COL14A1: variants seen among roughly 807,000 people sequenced by gnomAD.
COL14A1 encodes collagen alpha-1(XIV) chain.
In COL14A1, 136 loss-of-function variants were observed where a neutral mutation model predicts 230.3. The observed-to-expected ratio is 0.59, with a 90% CI of 0.51 to 0.68. COL14A1 has a LOEUF of 0.68. Among genes scored for constraint, COL14A1 ranks in the 30% least tolerant of loss-of-function variants. COL14A1 has a pLI of 0.00. For missense variants in COL14A1, 1,976 were observed against 2,215.8 expected, an observed-to-expected ratio of 0.89 and a Z score of 2.17; for synonymous variants, 792 against 784.1, an observed-to-expected ratio of 1.01 and a Z score of -0.17.
At position 120,138,758 on chromosome 8, in the gene COL14A1, A is replaced by G. The variant is rs955575005; in HGVS notation, c.-37-9048A>G. Among the ~76,000 whole-genome samples, 32 of 152,212 alleles carry G rather than the reference A, an allele frequency of 2.1e-4. 1 individual carries two copies. The highest frequency in any genetic ancestry group is 6.5e-5 in the Admixed American group (1 of 15,280). ...TGAGGAGGGTAGTATTTCAATAGTG[A>G]GAAGAAATGAGGAGGAATATTTTCA... On this transcript the variant is annotated intron_variant, in intron 1 of 47. Transcript: ENST00000297848.
chr8:120,167,286 T>C (rs1225337097), intron 4 of COL14A1, among the ~76,000 whole-genome samples: 3 of 152,150 alleles, frequency 2.0e-5, no homozygotes, highest in Admixed American at 1.3e-4. Context: ...GCAAGGGTGG[T>C]TCAGAGGAAA....
chr8:120,316,825 T>C (rs1300716908), intron 40 of COL14A1, among the ~76,000 whole-genome samples: 1 of 152,014 alleles, frequency 6.6e-6, no homozygotes, highest in Admixed American at 6.6e-5. Flanking sequence ...AGGTGGAGCA[T>C]TTCCAATATT....
In COL14A1 at chr8:120,317,898, G is replaced by A. The variant is rs77866121; in HGVS notation, c.4659+1901G>A. Among the ~76,000 whole-genome samples, 392 of 152,216 alleles carry A rather than the reference G, an allele frequency of 2.6e-3. 1 individual carries two copies. The highest frequency in any genetic ancestry group is 8.8e-3 in the African/African-American group (366 of 41,532). On this transcript the variant is annotated intron_variant, in intron 40 of 47. Coordinates refer to ENST00000297848, the MANE Select transcript of COL14A1 (RefSeq NM_021110.4). The stretch of plus-strand genomic sequence containing the variant: ...TTCCAATCTGGAAGTCAAACTTTTA[G>A]AGTATGTCTGATTCTTAATTTGAAA...
At chr8:120,197,754 C>CA in intron 6 of COL14A1, 57 bp from the exon 7 acceptor site, 1 of 1,561,518 alleles carries the variant, frequency 6.4e-7, no homozygotes. Flanking sequence ...TTGAGTAGCC[C>CA]ACTAGATTTT....
chr8:120,250,629 C>A lies in COL14A1; in HGVS notation c.2615C>A (p.Thr872Lys), dbSNP rs759730860. 6.2e-7 allele frequency: 1 copy of A among 1,614,186 alleles called. No homozygotes were observed. Among genetic ancestry groups the A allele is most frequent in the East Asian group, 2.2e-5 (1 of 44,886 alleles). Residue 872 changes from threonine to lysine, a missense_variant, in exon 22 of 48, where the codon ACA (threonine) becomes AAA (lysine). Coordinates refer to ENST00000297848, the MANE Select transcript of COL14A1 (RefSeq NM_021110.4). ...CTTTCTTCTTTAGTTCCTGGTCCAA[C>A]ACTGGAAACGTTTGTGGGAGCTGAC... ...VYKPVSVPGPTLETFVGADIN... is the reference protein window; with the variant it reads ...VYKPVSVPGPKLETFVGADIN...
At position 120,240,975 on chromosome 8, in the gene COL14A1, A is replaced by G. The variant is rs191132862; in HGVS notation, c.2350-2904A>G. Among the ~76,000 whole-genome samples the G allele has an allele frequency of 3.7e-3, 567 of 152,260 alleles. 4 individuals are homozygous for G. The highest frequency in any genetic ancestry group is 0.013 in the African/African-American group (528 of 41,552). ...CATACATTTTGTTGTCAGGGTAGGA[A>G]GGTCTCTCATTTATTTTAAAAGGCT... is the stretch of plus-strand genomic sequence containing the variant. On this transcript the variant is annotated intron_variant, in intron 19 of 47. Coordinates refer to ENST00000297848, the MANE Select transcript of COL14A1 (RefSeq NM_021110.4).
chr8:120,139,513 ACT>A (rs1491201896), intron 1 of COL14A1, among the ~76,000 whole-genome samples: 1 of 152,166 alleles, frequency 6.6e-6, no homozygotes, highest in Non-Finnish European at 1.5e-5. Context: ...TTTTGCCTAA[ACT>A]TTTTTGCCAA....
Position 120,300,808 on chromosome 8 carries a change from C to G in COL14A1, c.4391C>G (p.Ala1464Gly). ...ACCAATGAAGTGGCTCTGGGACCAGCGGGCCCACCAGTAAGTCTTGCTGAG... is the reference window on the plus strand; with the variant it reads ...ACCAATGAAGTGGCTCTGGGACCAGGGGGCCCACCAGTAAGTCTTGCTGAG... ...SETNEVALGP[A>G]GPPGGPGLRG... The change falls in exon 36 of 48, where the codon GCG (alanine) becomes GGG (glycine). Residue 1464 changes from alanine to glycine, a missense_variant. Ala to Gly is a moderately conservative substitution (Grantham distance 60). Transcript: ENST00000297848. 6.2e-7 allele frequency: 1 copy of G among 1,612,928 alleles called. No homozygotes were observed. Among genetic ancestry groups the G allele is most frequent in the African/African-American group, 1.3e-5 (1 of 74,958 alleles).
rs781373851 is a variant in COL14A1, at chr8:120,243,934, C to T, written c.2405C>T (p.Thr802Ile). ...NLLLKPLLPD[T>I]EYKVTVTPIY... ...CTTCTGAAGCCTCTGCTTCCTGATA[C>T]TGAATACAAAGTCACAGTGACTCCC... The change falls in exon 20 of 48, where the codon ACT (threonine) becomes ATT (isoleucine). Residue 802 changes from threonine to isoleucine, a missense_variant. Transcript: ENST00000297848. 1.8e-5 allele frequency: 29 copies of T among 1,613,504 alleles called. No individual in the cohort carries two copies. Among genetic ancestry groups the T allele is most frequent in the Non-Finnish European group, 2.3e-5 (27 of 1,179,734 alleles).
At chr8:120,247,764 T>TG (rs1296405142) in intron 21 of COL14A1, 29 bp downstream of exon 21, 2 of 1,607,790 alleles carry the variant, frequency 1.2e-6, no homozygotes. Flanking sequence ...ATAATGTTGA[T>TG]ACCATGAGTA....
chr8:120,242,535 C>T (rs1397065113), intron 19 of COL14A1, among the ~76,000 whole-genome samples: 1 of 152,130 alleles, frequency 6.6e-6, no homozygotes, highest in Non-Finnish European at 1.5e-5. Flanking sequence ...AAGAGAAACA[C>T]CCTGAGGGAA....
At chr8:120,315,481 C>T (rs1248492673) in intron 38 of COL14A1, 52 bp from the exon 39 acceptor site, 8 of 1,438,102 alleles carry the variant, frequency 5.6e-6, no homozygotes, top group Admixed American at 3.7e-5. Context: ...GAAAAGAAAA[C>T]GCTAAGAATT....
At position 120,142,672 on chromosome 8, in the gene COL14A1, C is replaced by T. The variant is rs185840647; in HGVS notation, c.-37-5134C>T. ...ACTAATTAGCATTTTGGTGGTAGGC[C>T]GGTAGGGGAAGATATATTTTGAACC... On this transcript the variant is annotated intron_variant, in intron 1 of 47. Coordinates refer to ENST00000297848, the MANE Select transcript of COL14A1 (RefSeq NM_021110.4). 3.2e-4 allele frequency among the ~76,000 whole-genome samples: 48 copies of T among 152,054 alleles called. No homozygotes were observed. The East Asian group carries it at 7.7e-3, about 25-fold the overall frequency.
chr8:120,204,297 A>C (rs1484960460), intron 9 of COL14A1, among the ~76,000 whole-genome samples: 1 of 151,906 alleles, frequency 6.6e-6, no homozygotes, highest in Non-Finnish European at 1.5e-5. Flanking sequence ...CACAAGGATC[A>C]CTCCTGTTCC....
chr8:120,325,188 T>C (rs1360968962), intron 40 of COL14A1, among the ~76,000 whole-genome samples: 3 of 152,240 alleles, frequency 2.0e-5, no homozygotes, highest in African/African-American at 7.2e-5. Flanking sequence ...AATAAGTTGC[T>C]CATAGGCAAA....
In COL14A1 at chr8:120,162,457, C is replaced by T. The variant is rs1815711530; in HGVS notation, c.237C>T (p.Asn79=). ...GGKTNQLNLQ[N]TATKAIIQGL... is the part of the protein sequence containing the mutation. Reference sequence around the variant, plus strand: ...AAACTAACCAGCTGAATCTGCAGAACACTGCAACTAAAGCAATTATTCAAG... The same window carrying T: ...AAACTAACCAGCTGAATCTGCAGAATACTGCAACTAAAGCAATTATTCAAG... Residue 79 remains asparagine (N), a synonymous_variant, in exon 4 of 48, where the codon AAC becomes AAT. Coordinates refer to ENST00000297848, the MANE Select transcript of COL14A1 (RefSeq NM_021110.4). The T allele has an allele frequency of 6.2e-7, 1 of 1,610,310 alleles. No homozygotes were observed. The highest frequency in any genetic ancestry group is 1.7e-5 in the Admixed American group (1 of 59,386).
At chr8:120,220,097 T>G (rs985938248) in intron 14 of COL14A1, among the ~76,000 whole-genome samples, 6 of 152,122 alleles carry the variant, frequency 3.9e-5, no homozygotes, top group Admixed American at 2.0e-4. Flanking sequence ...GTACCTAATT[T>G]TAGAATATAT....
At chr8:120,367,036 A>G (rs577948662) in intron 45 of COL14A1, 135 bp from the exon 46 acceptor site, 1 of 606,050 alleles carries the variant, frequency 1.7e-6, no homozygotes, top group South Asian at 2.5e-5. Flanking sequence ...TAAAAGTCCC[A>G]TGGTACTCAT....
At chr8:120,362,487 T>G (rs1273652116) in intron 45 of COL14A1, among the ~76,000 whole-genome samples, 1 of 152,216 alleles carries the variant, frequency 6.6e-6, no homozygotes, top group African/African-American at 2.4e-5. Flanking sequence ...TGACTGGCAC[T>G]TGGAATAGAA....
Sources: allele counts gnomAD v4.1 joint callset (sites outside exome capture counted in the v4.1 genomes callset), GRCh38; gene constraint gnomAD v4.1.1; transcripts MANE v1.5; gene names NCBI Gene and HGNC (gene_info 2026-07-23, HGNC 2026-07-21).